The following KLF12 variants were observed in gnomAD, a reference collection of about 807,000 sequenced individuals.
The protein encoded by KLF12 is KLF transcription factor 12, also known as Krueppel-like factor 12.
KLF12 carries 9 observed loss-of-function variants against 37.8 expected under a neutral mutation model. That is an observed-to-expected ratio of 0.24 (90% CI 0.14 to 0.42). KLF12 has a LOEUF of 0.42. KLF12 is among the 10% of genes least tolerant of loss of function. KLF12 has a pLI of 1.00. For synonymous variants in KLF12, 208 were observed against 202.1 expected, an observed-to-expected ratio of 1.03 and a Z score of -0.25; for missense variants, 411 against 516.0, an observed-to-expected ratio of 0.80 and a Z score of 1.97.
At chr13:73,994,475 C>T (rs933876473) in intron 2 of KLF12, among the ~76,000 whole-genome samples, 1 of 23,800 alleles carries the variant, frequency 4.2e-5, no homozygotes, top group South Asian at 2.4e-3. Context: ...GCCCCCCCCA[C>T]CACCACACTT....
At chr13:74,124,026 A>T (rs1181180031) in intron 1 of KLF12, among the ~76,000 whole-genome samples, 1 of 152,222 alleles carries the variant, frequency 6.6e-6, no homozygotes, top group Admixed American at 6.5e-5. Context: ...TTGTTAGCCC[A>T]TACTTATCAA....
chr13:73,825,566 T>C (rs1303470294), intron 4 of KLF12, among the ~76,000 whole-genome samples: 1 of 152,240 alleles, frequency 6.6e-6, no homozygotes, highest in African/African-American at 2.4e-5. Flanking sequence ...CTAAAGAAGA[T>C]AAGAGCTATG....
chr13:73,899,900 C>T (rs544655618), intron 3 of KLF12, among the ~76,000 whole-genome samples: 16 of 152,264 alleles, frequency 1.1e-4, no homozygotes, highest in African/African-American at 3.6e-4. Context: ...GACTTCACAG[C>T]CTCCATCATC....
chr13:74,116,213 A>C (rs943817510), intron 1 of KLF12, among the ~76,000 whole-genome samples: 11 of 152,210 alleles, frequency 7.2e-5, no homozygotes, highest in Admixed American at 2.0e-4. Flanking sequence ...TTTTACTAAG[A>C]AATTACTAAG....
intron 1 of KLF12, among the ~76,000 whole-genome samples, chr13:74,020,376 G>C (rs571969642): frequency 6.6e-6 from 1 of 152,250 alleles, no homozygotes; most frequent in South Asian, 2.1e-4. Flanking sequence ...AAAGATGGCA[G>C]CAACACATTA....
At chr13:74,180,354 C>T in the KLF12 span, among the ~76,000 whole-genome samples, 6 of 152,232 alleles carry the variant, frequency 3.9e-5, 1 homozygote, top group Admixed American at 2.0e-4. Context: ...ATTCTCCTCA[C>T]AATTTATCTT....
chr13:73,747,186 G>A (rs1161055713), intron 6 of KLF12, among the ~76,000 whole-genome samples: 1 of 151,988 alleles, frequency 6.6e-6, no homozygotes, highest in Non-Finnish European at 1.5e-5. Flanking sequence ...GTAGGTGCTG[G>A]AGACTTATAG....
chr13:73,870,633 C>T (rs1276278039), intron 3 of KLF12, among the ~76,000 whole-genome samples: 1 of 152,168 alleles, frequency 6.6e-6, no homozygotes, highest in Non-Finnish European at 1.5e-5. Context: ...TTTATGATAT[C>T]CATAATGCTA....
chr13:74,210,849 T>G, the KLF12 span, among the ~76,000 whole-genome samples: 4 of 152,180 alleles, frequency 2.6e-5, no homozygotes, highest in Admixed American at 6.6e-5. Flanking sequence ...ACCCATGTTA[T>G]CTCCTAATCC....
At chr13:74,178,785 G>A in the KLF12 span, among the ~76,000 whole-genome samples, 4 of 152,076 alleles carry the variant, frequency 2.6e-5, no homozygotes, top group African/African-American at 7.2e-5. Flanking sequence ...TTTGTCAGGG[G>A]GAGTTTTTCC....
the KLF12 span, among the ~76,000 whole-genome samples, chr13:74,139,193 C>T: frequency 6.6e-6 from 1 of 152,200 alleles, no homozygotes; most frequent in African/African-American, 2.4e-5. Context: ...AAGTAAGCAT[C>T]CAATAAATGT....
At chr13:73,715,240 G>T (rs531328003) in intron 7 of KLF12, 128 bp downstream of exon 7, 2 of 650,866 alleles carry the variant, frequency 3.1e-6, no homozygotes, top group African/African-American at 1.8e-5. Context: ...AATACATTCC[G>T]CCTAGAAGGA....
chr13:73,760,859 A>C (rs1019685939), intron 6 of KLF12, among the ~76,000 whole-genome samples: 1 of 152,128 alleles, frequency 6.6e-6, no homozygotes, highest in Non-Finnish European at 1.5e-5. Context: ...GAAAGTGAAA[A>C]TCTAAAGATG....
At chr13:74,114,347 T>C (rs563021514) in intron 1 of KLF12, among the ~76,000 whole-genome samples, 48 of 152,362 alleles carry the variant, frequency 3.2e-4, no homozygotes, top group African/African-American at 1.1e-3. Context: ...AGGTTTTTTT[T>C]CATCACAATG....
At chr13:73,962,222 A>C (rs1031076796) in intron 2 of KLF12, among the ~76,000 whole-genome samples, 2 of 152,216 alleles carry the variant, frequency 1.3e-5, no homozygotes, top group African/African-American at 4.8e-5. Context: ...AAATTTAAAA[A>C]GCCAGTCTGA....
chr13:74,201,630 A>G, the KLF12 span, among the ~76,000 whole-genome samples: 2 of 152,100 alleles, frequency 1.3e-5, no homozygotes, highest in African/African-American at 2.4e-5. Flanking sequence ...CTCATGATGA[A>G]CCTGCCTCTC....
chr13:73,908,177 T>C (rs113296561), intron 3 of KLF12, among the ~76,000 whole-genome samples: 7,359 of 151,918 alleles, frequency 0.048, 416 homozygotes, highest in African/African-American at 0.14. Flanking sequence ...CCGAGGTGGG[T>C]GGATCACGAG....
the KLF12 span, among the ~76,000 whole-genome samples, chr13:74,284,082 C>T: frequency 2.0e-5 from 3 of 152,054 alleles, no homozygotes; most frequent in Non-Finnish European, 4.4e-5. Context: ...TGGTCTGGAT[C>T]TCCTGACCTT....
the KLF12 span, among the ~76,000 whole-genome samples, chr13:74,181,244 C>T: frequency 4.0e-5 from 6 of 151,792 alleles, no homozygotes; most frequent in African/African-American, 7.3e-5. Context: ...GTGATCCACC[C>T]GCTTCGGCTT....
Sources: allele counts gnomAD v4.1 joint callset (sites outside exome capture counted in the v4.1 genomes callset), GRCh38; gene constraint gnomAD v4.1.1; transcripts MANE v1.5; gene names NCBI Gene and HGNC (gene_info 2026-07-23, HGNC 2026-07-21).